The following AKAP6 variants were observed in gnomAD, a reference collection of about 807,000 sequenced individuals.
AKAP6 encodes the protein A-kinase anchoring protein 6.
A neutral mutation model predicts 188.5 loss-of-function variants in AKAP6; 58 were observed. That is an observed-to-expected ratio of 0.31 (90% CI 0.25 to 0.38). The LOEUF (loss-of-function observed/expected upper bound fraction) is 0.38, where lower values mean the gene tolerates loss of function less well. AKAP6 is among the 10% of genes least tolerant of loss of function. AKAP6 has a pLI of 1.00. For missense variants in AKAP6, 2,710 were observed against 2,740.0 expected (o/e 0.99, Z 0.24); for synonymous variants, 989 against 998.6 (o/e 0.99, Z 0.18).
At chr14:32,343,746 CAAAAAAA>C (rs56376110) in intron 1 of AKAP6, among the ~76,000 whole-genome samples, 15 of 37,266 alleles carry the variant, frequency 4.0e-4, no homozygotes, top group South Asian at 1.7e-3. Flanking sequence ...GATTCCGTCT[CAAAAAAA>C]AAAAAAAAAA....
At chr14:32,611,774 T>C (rs1448698485) in intron 7 of AKAP6, among the ~76,000 whole-genome samples, 1 of 152,130 alleles carries the variant, frequency 6.6e-6, no homozygotes, top group African/African-American at 2.4e-5. Flanking sequence ...GAACTTAGCA[T>C]GTTTATAGAC....
chr14:32,420,908 T>TG (rs1295862231), intron 1 of AKAP6, among the ~76,000 whole-genome samples: 5 of 93,648 alleles, frequency 5.3e-5, no homozygotes, highest in South Asian at 7.1e-4. Flanking sequence ...AGGAGATTGA[T>TG]TTGTGTGTGT....
At chr14:32,491,828 A>G (rs1008595537) in intron 2 of AKAP6, among the ~76,000 whole-genome samples, 1 of 152,222 alleles carries the variant, frequency 6.6e-6, no homozygotes, top group African/African-American at 2.4e-5. Flanking sequence ...TGTAATTTTT[A>G]TGTAGCAACA....
In AKAP6 at chr14:32,523,192, G is replaced by A. The variant is rs567412088; in HGVS notation, c.325-12362G>A. On this transcript the variant is annotated intron_variant, in intron 2 of 13. Transcript: ENST00000280979. ...GGGCCTGTCTTGGGGTGGGGGAAGG[G>A]GGGGAGGGATAACATTAGGAGATAT... Among the ~76,000 whole-genome samples the A allele has an allele frequency of 9.2e-5, 14 of 152,134 alleles. No individual in the cohort carries two copies. In the East Asian group the frequency reaches 1.7e-3, roughly 19 times the overall value.
At chr14:32,448,358 A>G (rs1890827792) in intron 2 of AKAP6, among the ~76,000 whole-genome samples, 1 of 152,064 alleles carries the variant, frequency 6.6e-6, no homozygotes, top group African/African-American at 2.4e-5. Context: ...CTGGGTGAGG[A>G]CCCTTTCTTC....
chr14:32,827,882 T>C (rs11625615), intron 13 of AKAP6, among the ~76,000 whole-genome samples: 10,230 of 152,284 alleles, frequency 0.067, 391 homozygotes, highest in South Asian at 0.15. Context: ...GGTATAAAAA[T>C]TTAACTCATC....
intron 1 of AKAP6, among the ~76,000 whole-genome samples, chr14:32,338,834 A>G (rs1209646472): frequency 6.6e-6 from 1 of 152,168 alleles, no homozygotes; most frequent in African/African-American, 2.4e-5. Context: ...AATTTGATAA[A>G]TGAAAGTTAT....
Position 32,450,555 on chromosome 14 carries a change from T to G in AKAP6, c.324+16738T>G, listed in dbSNP as rs549380740. On this transcript the variant is annotated intron_variant, in intron 2 of 13. Coordinates refer to ENST00000280979, the MANE Select transcript of AKAP6 (RefSeq NM_004274.5). ...AGTTTGACTCTCCATTGTACTATAT[T>G]TTTATTGTGTATTAGTATACTTTCT... is the stretch of plus-strand genomic sequence containing the variant. 2.0e-5 allele frequency among the ~76,000 whole-genome samples: 3 copies of G among 152,302 alleles called. No individual in the cohort carries two copies. In the East Asian group the frequency reaches 5.8e-4, roughly 29 times the overall value.
At chr14:32,434,062 G>T (rs1890305295) in intron 2 of AKAP6, 2 of 447,540 alleles carry the variant, frequency 4.5e-6, no homozygotes, top group South Asian at 4.1e-5. Context: ...GGAAAGGGAG[G>T]GGTATTTTTG....
chr14:32,763,110 T>C (rs1289107117), intron 11 of AKAP6, among the ~76,000 whole-genome samples: 2 of 152,098 alleles, frequency 1.3e-5, no homozygotes, highest in Non-Finnish European at 2.9e-5. Context: ...CAAGAGCCAA[T>C]AGAAATATGC....
intron 2 of AKAP6, among the ~76,000 whole-genome samples, chr14:32,479,619 A>G (rs1221764718): frequency 6.6e-6 from 1 of 152,120 alleles, no homozygotes; most frequent in African/African-American, 2.4e-5. Context: ...GGGTTTTGCT[A>G]TGGTATGAAT....
rs1481710962 is a variant in AKAP6, at chr14:32,611,780, T to C, written c.2730+10988T>C. 5.3e-5 allele frequency among the ~76,000 whole-genome samples: 8 copies of C among 152,238 alleles called. No homozygotes were observed. In the South Asian group the frequency reaches 1.2e-3, roughly 24 times the overall value. ...AGCGAGAGTGAACTTAGCATGTTTA[T>C]AGACTGAAGAATAGGACTAGTGAAA... On this transcript the variant is annotated intron_variant, in intron 7 of 13. Coordinates refer to ENST00000280979, the MANE Select transcript of AKAP6 (RefSeq NM_004274.5).
intron 9 of AKAP6, among the ~76,000 whole-genome samples, chr14:32,699,048 C>A (rs1418520297): frequency 6.6e-6 from 1 of 152,060 alleles, no homozygotes; most frequent in African/African-American, 2.4e-5. Context: ...CTTATGAAGT[C>A]CTAGGTTGAT....
chr14:32,665,494 C>A (rs1407724725), intron 7 of AKAP6, among the ~76,000 whole-genome samples: 1 of 152,126 alleles, frequency 6.6e-6, no homozygotes, highest in East Asian at 1.9e-4. Flanking sequence ...GGCTCCCATG[C>A]CCTTCCTGGG....
At chr14:32,786,365 T>G (rs2033418919) in intron 12 of AKAP6, among the ~76,000 whole-genome samples, 2 of 135,822 alleles carry the variant, frequency 1.5e-5, no homozygotes. Flanking sequence ...TGGAGTGCAG[T>G]GGCGCCATCT....
At chr14:32,667,154 T>C (rs1281471986) in intron 7 of AKAP6, among the ~76,000 whole-genome samples, 1 of 152,146 alleles carries the variant, frequency 6.6e-6, no homozygotes, top group Admixed American at 6.6e-5. Flanking sequence ...AAATTCTGTT[T>C]ATCGTGCATG....
At chr14:32,827,139 C>A (rs998050261) in intron 13 of AKAP6, among the ~76,000 whole-genome samples, 1 of 152,048 alleles carries the variant, frequency 6.6e-6, no homozygotes, top group African/African-American at 2.4e-5. Flanking sequence ...TGTTGACATG[C>A]CTTCAGTATT....
chr14:32,753,138 A>G (rs1210402521), intron 11 of AKAP6, among the ~76,000 whole-genome samples: 3 of 152,006 alleles, frequency 2.0e-5, no homozygotes, highest in African/African-American at 4.8e-5. Context: ...TGTTTTCCAT[A>G]TTTATATTAA....
chr14:32,661,646 A>G (rs1888705158), intron 7 of AKAP6, among the ~76,000 whole-genome samples: 1 of 152,120 alleles, frequency 6.6e-6, no homozygotes, highest in African/African-American at 2.4e-5. Context: ...TGGCAGCCTC[A>G]GTCAGGGACT....
Sources: allele counts gnomAD v4.1 joint callset (sites outside exome capture counted in the v4.1 genomes callset), GRCh38; gene constraint gnomAD v4.1.1; transcripts MANE v1.5; gene names NCBI Gene and HGNC (gene_info 2026-07-23, HGNC 2026-07-21).